Variants in NPAS3 observed in about 807,000 individuals in gnomAD.
NPAS3 encodes neuronal PAS domain protein 3.
A neutral mutation model predicts 73.1 loss-of-function variants in NPAS3; 14 were observed. The ratio of observed to expected loss-of-function variants is 0.19; its 90% confidence interval spans 0.13 to 0.30. NPAS3 has a LOEUF of 0.30. NPAS3 is among the 10% of genes least tolerant of loss of function. The probability of loss-of-function intolerance (pLI) is 1.00; values close to 1 mark genes in which losing one functional copy is unlikely to be tolerated. For missense variants in NPAS3, 1,096 were observed against 1,250.0 expected, an observed-to-expected ratio of 0.88 and a Z score of 1.86; for synonymous variants, 620 against 541.5, an observed-to-expected ratio of 1.14 and a Z score of -2.01.
At chr14:33,095,044 A>T (rs940392430) in intron 2 of NPAS3, among the ~76,000 whole-genome samples, 6 of 152,242 alleles carry the variant, frequency 3.9e-5, no homozygotes, top group Admixed American at 6.5e-5. Context: ...AGTTGGCAAA[A>T]AGCAGTTAAC....
intron 3 of NPAS3, among the ~76,000 whole-genome samples, chr14:33,276,079 A>G (rs1159035676): frequency 1.3e-5 from 2 of 152,142 alleles, no homozygotes; most frequent in African/African-American, 2.4e-5. Context: ...TGTGTCTGCA[A>G]CAGTTGGTAG....
intron 2 of NPAS3, among the ~76,000 whole-genome samples, chr14:33,126,932 A>G (rs1465704830): frequency 6.6e-6 from 1 of 152,176 alleles, no homozygotes; most frequent in Non-Finnish European, 1.5e-5. Context: ...TGTAAGCTGT[A>G]AGAAATAAAA....
chr14:33,053,601 T>C (rs761611210), intron 1 of NPAS3, among the ~76,000 whole-genome samples: 37 of 152,246 alleles, frequency 2.4e-4, no homozygotes, highest in Non-Finnish European at 4.4e-4. Context: ...AGTAGCTTTT[T>C]GATGATAACA....
intron 2 of NPAS3, among the ~76,000 whole-genome samples, chr14:33,146,255 G>C (rs903244881): frequency 6.6e-6 from 1 of 152,136 alleles, no homozygotes; most frequent in Non-Finnish European, 1.5e-5. Flanking sequence ...TAAGTAAAGT[G>C]GGGGAAGCAT....
chr14:32,938,889 T>A (rs1184464835), upstream of NPAS3, among the ~76,000 whole-genome samples: 1 of 140,270 alleles, frequency 7.1e-6, no homozygotes, highest in East Asian at 2.3e-4. Context: ...GCCGGTCGCC[T>A]GTCTCCGCGC....
chr14:32,994,630 G>GTTTTTTTTTTTTTTTT (rs777136450), intron 1 of NPAS3, among the ~76,000 whole-genome samples: 2 of 123,600 alleles, frequency 1.6e-5, no homozygotes, highest in African/African-American at 3.6e-5. Context: ...TTGTTTGTTT[G>GTTTTTTTTTTTTTTTT]TTTTTGTTTT....
At chr14:33,438,111 A>G (rs900244158) in intron 4 of NPAS3, among the ~76,000 whole-genome samples, 1 of 152,230 alleles carries the variant, frequency 6.6e-6, no homozygotes, top group Non-Finnish European at 1.5e-5. Context: ...AATTTTCTTG[A>G]TATTTAAAAA....
At chr14:33,783,009 C>A (rs11628377) in intron 9 of NPAS3, among the ~76,000 whole-genome samples, 4,620 of 152,228 alleles carry the variant, frequency 0.03, 99 homozygotes, top group Non-Finnish European at 0.046. Context: ...TAATGCGGGA[C>A]TAATTAGTAT....
intron 1 of NPAS3, among the ~76,000 whole-genome samples, chr14:33,019,819 G>A (rs1179579225): frequency 1.3e-5 from 2 of 152,128 alleles, no homozygotes; most frequent in South Asian, 2.1e-4. Context: ...CATTTTGGTC[G>A]GGCCGGGATC....
Position 33,789,583 on chromosome 14 carries a change from CTTTTTTTTT to C in NPAS3, c.1154-4299_1154-4291del, listed in dbSNP as rs10567527. Among the ~76,000 whole-genome samples the C allele has an allele frequency of 2.1e-4, 19 of 92,412 alleles. No homozygotes were observed. The East Asian group carries it at 2.3e-3, about 11-fold the overall frequency. 60.6% of individuals were successfully genotyped at this position (92,412 alleles called of 152,430 possible). ...ACTAAAAGTAATTACTAGAGTACAA[CTTTTTTTTT>C]TTTTTTTTTTTTTTGAGACGGAGTC... On this transcript the variant is annotated intron_variant, in intron 9 of 11. Coordinates refer to ENST00000356141, the Ensembl canonical transcript of NPAS3.
chr14:33,423,785 T>C (rs2048448226), intron 4 of NPAS3, among the ~76,000 whole-genome samples: 1 of 151,916 alleles, frequency 6.6e-6, no homozygotes, highest in Non-Finnish European at 1.5e-5. Context: ...TGGAAGTTTA[T>C]AGCAAAGTAC....
At chr14:33,374,706 G>T (rs575387616) in intron 4 of NPAS3, among the ~76,000 whole-genome samples, 41 of 149,310 alleles carry the variant, frequency 2.7e-4, no homozygotes, top group Non-Finnish European at 4.8e-4. Context: ...TGTCGGGGCG[G>T]GGGGGGGAGT....
Position 33,699,161 on chromosome 14 carries a change from C to T in NPAS3, c.733+22776C>T, listed in dbSNP as rs1275421989. ...GCTGTTTTAACGTTTCAAAAAAAAA[C>T]ATGTGCATGTGTTAACTTTCATTTT... On this transcript the variant is annotated intron_variant, in intron 6 of 11. Coordinates refer to ENST00000356141, the Ensembl canonical transcript of NPAS3. Among the ~76,000 whole-genome samples the T allele has an allele frequency of 2.0e-5, 3 of 152,196 alleles. No individual in the cohort carries two copies. In the South Asian group the frequency reaches 6.2e-4, roughly 32 times the overall value.
intron 3 of NPAS3, among the ~76,000 whole-genome samples, chr14:33,223,289 C>G (rs2047501790): frequency 6.6e-6 from 1 of 152,094 alleles, no homozygotes; most frequent in South Asian, 2.1e-4. Context: ...CCAGCCTGGA[C>G]AACAAGAGTG....
chr14:33,637,847 AAT>A (rs2058566668), intron 5 of NPAS3, among the ~76,000 whole-genome samples: 1 of 152,202 alleles, frequency 6.6e-6, no homozygotes, highest in Non-Finnish European at 1.5e-5. Flanking sequence ...AGTTGCACTA[AAT>A]ATGATGGTTG....
At chr14:33,626,599 T>G (rs988034397) in intron 5 of NPAS3, among the ~76,000 whole-genome samples, 4 of 152,210 alleles carry the variant, frequency 2.6e-5, no homozygotes, top group African/African-American at 9.6e-5. Flanking sequence ...CAATGTCTGC[T>G]AGCCTGCATT....
intron 5 of NPAS3, among the ~76,000 whole-genome samples, chr14:33,604,497 A>G (rs80267582): frequency 6.6e-6 from 1 of 151,902 alleles, no homozygotes; most frequent in Non-Finnish European, 1.5e-5. Flanking sequence ...GCAAGGAGGA[A>G]TAAAAAAAAT....
intron 1 of NPAS3, among the ~76,000 whole-genome samples, chr14:32,987,175 A>G (rs2038133983): frequency 1.3e-5 from 2 of 151,772 alleles, no homozygotes; most frequent in Non-Finnish European, 2.9e-5. Context: ...GGAAGGCTTT[A>G]TTTTAAAGTA....
intron 2 of NPAS3, among the ~76,000 whole-genome samples, chr14:33,153,778 T>G (rs892451920): frequency 6.6e-6 from 1 of 152,166 alleles, no homozygotes; most frequent in Non-Finnish European, 1.5e-5. Context: ...CTCCGAGTCC[T>G]AAACCATTTG....
Sources: allele counts gnomAD v4.1 joint callset (sites outside exome capture counted in the v4.1 genomes callset), GRCh38; gene constraint gnomAD v4.1.1; transcripts MANE v1.5; gene names NCBI Gene and HGNC (gene_info 2026-07-23, HGNC 2026-07-21).